MAP2K6: variants seen among roughly 807,000 people sequenced by gnomAD.
MAP2K6 encodes the protein mitogen-activated protein kinase kinase 6.
Under a neutral mutation model 53.7 loss-of-function variants are expected in MAP2K6, and 16 were observed. The ratio of observed to expected loss-of-function variants is 0.30; its 90% CI spans 0.20 to 0.45. The LOEUF (loss-of-function observed/expected upper bound fraction) is 0.45. Ranked by LOEUF, MAP2K6 falls within the 20% of genes least tolerant of loss-of-function variation. MAP2K6 has a pLI of 1.00. For synonymous variants in MAP2K6, 132 were observed against 143.1 expected, an observed-to-expected ratio of 0.92 and a Z score of 0.55; for missense variants, 204 against 411.9, an observed-to-expected ratio of 0.50 and a Z score of 4.37.
At chr17:69,473,129 T>C (rs1048888613) in intron 1 of MAP2K6, among the ~76,000 whole-genome samples, 2 of 152,216 alleles carry the variant, frequency 1.3e-5, no homozygotes, top group African/African-American at 4.8e-5. Flanking sequence ...GTAGGAAACT[T>C]ATTCTTGTTT....
intron 7 of MAP2K6, among the ~76,000 whole-genome samples, chr17:69,522,875 A>T (rs554931408): frequency 3.4e-5 from 5 of 148,954 alleles, no homozygotes; most frequent in African/African-American, 1.2e-4. Flanking sequence ...GTCAACAAAG[A>T]GACATCCTGT....
intron 11 of MAP2K6, among the ~76,000 whole-genome samples, chr17:69,539,680 G>A (rs1293625911): frequency 6.6e-6 from 1 of 152,136 alleles, no homozygotes; most frequent in Non-Finnish European, 1.5e-5. Flanking sequence ...CATCTACTGA[G>A]CTAATAGCCA....
chr17:69,482,986 T>C (rs1908401636), intron 1 of MAP2K6, among the ~76,000 whole-genome samples: 1 of 151,960 alleles, frequency 6.6e-6, no homozygotes, highest in South Asian at 2.1e-4. Context: ...TAGTGATGAC[T>C]GTCTTCATGA....
intron 1 of MAP2K6, among the ~76,000 whole-genome samples, chr17:69,468,173 T>TA (rs1191102595): frequency 1.3e-5 from 2 of 152,262 alleles, no homozygotes. Flanking sequence ...TCTCAGTTGT[T>TA]ACCTGCTATT....
chr17:69,496,891 C>G (rs1483776430), intron 1 of MAP2K6, among the ~76,000 whole-genome samples: 1 of 152,118 alleles, frequency 6.6e-6, no homozygotes, highest in Non-Finnish European at 1.5e-5. Context: ...ACTGACCTGA[C>G]TTTCCTCTTT....
At chr17:69,465,232 A>G (rs190734781) in intron 1 of MAP2K6, among the ~76,000 whole-genome samples, 38 of 151,214 alleles carry the variant, frequency 2.5e-4, no homozygotes, top group South Asian at 2.3e-3. Context: ...CCTTGTCAGT[A>G]CCCTAGTTGG....
At chr17:69,485,999 G>A (rs1224336557) in intron 1 of MAP2K6, among the ~76,000 whole-genome samples, 7 of 152,054 alleles carry the variant, frequency 4.6e-5, no homozygotes. Flanking sequence ...AAAAGTCTGT[G>A]TATTTTCCTA....
At chr17:69,444,302 C>T (rs185953495) in intron 1 of MAP2K6, among the ~76,000 whole-genome samples, 4 of 152,266 alleles carry the variant, frequency 2.6e-5, no homozygotes, top group Non-Finnish European at 4.4e-5. Context: ...TAGGATAGAG[C>T]AGGGTACTCT....
chr17:69,447,470 C>T (rs1907008466), intron 1 of MAP2K6, among the ~76,000 whole-genome samples: 2 of 151,914 alleles, frequency 1.3e-5, no homozygotes. Context: ...CTCAGCCTCC[C>T]GAGTAGCTGG....
chr17:69,538,151 T>G (rs1567861916), intron 11 of MAP2K6, among the ~76,000 whole-genome samples: 1 of 152,200 alleles, frequency 6.6e-6, no homozygotes, highest in Admixed American at 6.5e-5. Flanking sequence ...ACTACAAGTG[T>G]GCACCTGTAC....
chr17:69,476,340 C>T (rs754609580), intron 1 of MAP2K6, among the ~76,000 whole-genome samples: 63 of 152,266 alleles, frequency 4.1e-4, no homozygotes, highest in Admixed American at 2.4e-3. Context: ...ACCAAGCTAC[C>T]TTGCAGAAAT....
At chr17:69,500,388 C>T (rs1184678367) in intron 1 of MAP2K6, among the ~76,000 whole-genome samples, 2 of 132,524 alleles carry the variant, frequency 1.5e-5, no homozygotes, top group Non-Finnish European at 3.1e-5. Flanking sequence ...GCAGAGGTTT[C>T]GGTGAGCCTA....
At chr17:69,450,287 A>G (rs1187556951) in intron 1 of MAP2K6, among the ~76,000 whole-genome samples, 1 of 152,052 alleles carries the variant, frequency 6.6e-6, no homozygotes, top group Non-Finnish European at 1.5e-5. Flanking sequence ...AGCATTTTAC[A>G]AGCAGTAGGC....
In MAP2K6 at chr17:69,547,112, T is replaced by C. The variant is rs1277640358; in HGVS notation, c.*5359T>C. 1 of 152,142 alleles carries C rather than the reference T, an allele frequency of 6.6e-6. No homozygotes were observed. Among genetic ancestry groups the C allele is most frequent in the African/African-American group, 2.4e-5 (1 of 41,446 alleles). 9.4% of individuals were successfully genotyped at this position (152,142 alleles called of 1,614,324 possible). On this transcript the variant is annotated 3_prime_UTR_variant, in exon 12 of 12. Transcript: ENST00000590474. The stretch of plus-strand genomic sequence containing the variant: ...CTTTAATTTGGGTACTATGGATTCT[T>C]TTGGGAATTTGTTGAAAGCTAGGAC...
At chr17:69,517,972 C>T (rs895471943) in intron 4 of MAP2K6, among the ~76,000 whole-genome samples, 7 of 152,134 alleles carry the variant, frequency 4.6e-5, no homozygotes, top group Middle Eastern at 3.4e-3. Context: ...GGGTGGATCA[C>T]GAGGTCAGGA....
At chr17:69,526,506 C>A (rs1026465039) in intron 9 of MAP2K6, 64 bp from the exon 10 acceptor site, 2 of 1,559,378 alleles carry the variant, frequency 1.3e-6, no homozygotes, top group Admixed American at 1.8e-5. Flanking sequence ...ACAAATGAAA[C>A]GTGGGTGATT....
chr17:69,516,533 T>C (rs1397530720), intron 2 of MAP2K6, among the ~76,000 whole-genome samples: 2 of 152,182 alleles, frequency 1.3e-5, no homozygotes, highest in Admixed American at 6.5e-5. Context: ...CTCATACGAA[T>C]TAGATATTTA....
intron 1 of MAP2K6, among the ~76,000 whole-genome samples, chr17:69,430,365 G>A (rs1906422391): frequency 6.6e-6 from 1 of 151,952 alleles, no homozygotes; most frequent in Non-Finnish European, 1.5e-5. Flanking sequence ...GAATAAAATA[G>A]AGAAGCCAAT....
intron 11 of MAP2K6, among the ~76,000 whole-genome samples, chr17:69,539,882 G>A (rs1277155468): frequency 6.6e-6 from 1 of 152,160 alleles, no homozygotes; most frequent in Non-Finnish European, 1.5e-5. Flanking sequence ...TGTGTATGTG[G>A]TGACTAATCA....
Sources: gnomAD v4.1 joint callset for allele counts (sites outside exome capture counted in the v4.1 genomes callset) on GRCh38, gnomAD v4.1.1 for gene constraint, MANE v1.5 for transcripts, NCBI Gene and HGNC (gene_info 2026-07-23, HGNC 2026-07-21) for gene names.